The following ZMIZ1 variants were observed in gnomAD, a reference collection of about 807,000 sequenced individuals.
ZMIZ1 encodes the protein zinc finger MIZ-type containing 1, also known as zinc finger MIZ domain-containing protein 1.
Under a neutral mutation model 113.9 loss-of-function variants are expected in ZMIZ1, and 17 were observed. The ratio of observed to expected loss-of-function variants is 0.15; its 90% CI spans 0.10 to 0.22. The LOEUF is 0.22. Among genes scored for constraint, ZMIZ1 ranks in the 10% least tolerant of loss-of-function variants. ZMIZ1 has a pLI of 1.00. For missense variants in ZMIZ1, 1,059 were observed against 1,477.8 expected (o/e 0.72, Z 4.65); for synonymous variants, 607 against 603.1 (o/e 1.01, Z -0.09).
intron 1 of ZMIZ1, among the ~76,000 whole-genome samples, chr10:79,090,702 TG>T (rs1197268896): frequency 2.0e-5 from 3 of 152,258 alleles, no homozygotes; most frequent in African/African-American, 7.2e-5. Context: ...CGGGTCCATC[TG>T]GAGCAGCCTG....
intron 4 of ZMIZ1, among the ~76,000 whole-genome samples, chr10:79,181,415 G>A (rs1171464665): frequency 1.3e-5 from 2 of 152,210 alleles, no homozygotes; most frequent in Admixed American, 6.5e-5. Flanking sequence ...AAGTGGCGGT[G>A]GATTCTGAGG....
At chr10:79,097,668 A>G (rs945003563) in intron 1 of ZMIZ1, among the ~76,000 whole-genome samples, 1 of 152,232 alleles carries the variant, frequency 6.6e-6, no homozygotes, top group African/African-American at 2.4e-5. Context: ...GCAAGCTCTG[A>G]TAGAAATTGG....
chr10:79,279,189 G>A (rs539388692), intron 8 of ZMIZ1, among the ~76,000 whole-genome samples: 21 of 151,356 alleles, frequency 1.4e-4, no homozygotes, highest in African/African-American at 5.1e-4. Context: ...CAGGGGGAGG[G>A]GCTCCTCACT....
At chr10:79,311,290 T>TTGGG in intron 24 of ZMIZ1, 106 bp downstream of exon 24, 1 of 102,696 alleles carries the variant, frequency 9.7e-6, no homozygotes, top group Non-Finnish European at 1.8e-5. Flanking sequence ...AGGGAGGAGG[T>TTGGG]GGGTGGGCGG....
chr10:79,076,948 T>C (rs904804039), intron 1 of ZMIZ1, among the ~76,000 whole-genome samples: 4 of 152,114 alleles, frequency 2.6e-5, no homozygotes, highest in African/African-American at 9.7e-5. Context: ...ACCTCCCCTC[T>C]CCCCTCCAGC....
chr10:79,267,216 C>T (rs889961838), intron 7 of ZMIZ1, among the ~76,000 whole-genome samples: 5 of 152,316 alleles, frequency 3.3e-5, no homozygotes, highest in South Asian at 2.1e-4. Flanking sequence ...TAGGGGAGCA[C>T]CCAGTCCAGT....
At chr10:79,170,013 G>A (rs557552788) in intron 4 of ZMIZ1, among the ~76,000 whole-genome samples, 11 of 152,312 alleles carry the variant, frequency 7.2e-5, no homozygotes, top group Admixed American at 5.2e-4. Context: ...AGGATACTTT[G>A]AGATGGAGAC....
At chr10:79,284,325 G>T (rs547388639) in intron 8 of ZMIZ1, among the ~76,000 whole-genome samples, 2 of 152,352 alleles carry the variant, frequency 1.3e-5, no homozygotes, top group East Asian at 3.9e-4. Flanking sequence ...GCTTAGGAGG[G>T]TCCTTAAAGG....
intron 7 of ZMIZ1, among the ~76,000 whole-genome samples, chr10:79,224,113 C>T (rs1849106234): frequency 6.6e-6 from 1 of 152,176 alleles, no homozygotes; most frequent in Admixed American, 6.5e-5. Flanking sequence ...GTAATATTAA[C>T]TTTCCAGAAG....
At position 79,314,344 on chromosome 10, in the gene ZMIZ1, CGT is replaced by C. The variant is rs1367554336; in HGVS notation, c.*1596_*1597del. 1.1e-5 allele frequency: 5 copies of C among 436,224 alleles called. No homozygotes were observed. The highest frequency in any genetic ancestry group is 1.0e-4 in the African/African-American group (5 of 49,720). The allele number at this position is 436,224 out of a possible 1,614,324, so 27.0% of individuals were successfully genotyped here. A position where few individuals can be genotyped will look rare whatever the true frequency, so the allele number is the denominator to read the frequency against. ...TGCCTGGGGCCCTTTCCTGCTCTCC[CGT>C]CCGCTGTGGGTGGTCCCCAGCTCTC... On this transcript the variant is annotated 3_prime_UTR_variant, in exon 25 of 25. Coordinates refer to ENST00000334512, the MANE Select transcript of ZMIZ1 (RefSeq NM_020338.4).
chr10:79,263,765 G>A (rs1042833772), intron 7 of ZMIZ1, among the ~76,000 whole-genome samples: 1 of 152,040 alleles, frequency 6.6e-6, no homozygotes. Flanking sequence ...AAGGTCTCTC[G>A]GTGCTCAAAC....
chr10:79,230,562 G>A (rs966575081), intron 7 of ZMIZ1, among the ~76,000 whole-genome samples: 9 of 152,220 alleles, frequency 5.9e-5, no homozygotes, highest in East Asian at 3.9e-4. Flanking sequence ...GCCGGGAGTC[G>A]AGGGGCCCGC....
At chr10:79,257,157 C>T (rs186780627) in intron 7 of ZMIZ1, among the ~76,000 whole-genome samples, 1 of 152,254 alleles carries the variant, frequency 6.6e-6, no homozygotes, top group Non-Finnish European at 1.5e-5. Context: ...GTCAACTCCG[C>T]TCATCCCATT....
Position 79,227,729 on chromosome 10 carries a change from T to A in ZMIZ1, c.280+11455T>A, listed in dbSNP as rs376122889. Among the ~76,000 whole-genome samples the A allele has an allele frequency of 4.6e-5, 7 of 152,282 alleles. No individual in the cohort carries two copies. In the East Asian group the frequency reaches 5.8e-4, roughly 13 times the overall value. ...CACAAAACCTAGTGTTGTAAAAATA[T>A]GGAACCCTTATGTGTAGGTAGGGCC... On this transcript the variant is annotated intron_variant, in intron 7 of 24. Transcript: ENST00000334512.
intron 7 of ZMIZ1, among the ~76,000 whole-genome samples, chr10:79,262,298 T>A (rs966449996): frequency 1.3e-5 from 2 of 152,198 alleles, no homozygotes; most frequent in Admixed American, 6.5e-5. Context: ...ACCCACTGAA[T>A]CAGAAACCCC....
intron 7 of ZMIZ1, among the ~76,000 whole-genome samples, chr10:79,242,448 G>A (rs1264124332): frequency 3.3e-5 from 5 of 152,152 alleles, no homozygotes; most frequent in Non-Finnish European, 7.4e-5. Context: ...CCAGGGTCAG[G>A]GAAGTAAGAT....
chr10:79,302,851 G>T (rs1250547), intron 18 of ZMIZ1, among the ~76,000 whole-genome samples: 2 of 133,810 alleles, frequency 1.5e-5, no homozygotes, highest in Non-Finnish European at 1.6e-5. Context: ...ATGCCACCAC[G>T]CCCAGCTAAG....
chr10:79,182,916 C>T (rs1363317154), intron 4 of ZMIZ1, among the ~76,000 whole-genome samples: 1 of 152,182 alleles, frequency 6.6e-6, no homozygotes, highest in Non-Finnish European at 1.5e-5. Flanking sequence ...GTTTCAAGGC[C>T]CTGCCCTTCA....
intron 5 of ZMIZ1, among the ~76,000 whole-genome samples, chr10:79,205,189 GACAGAGT>G (rs1848265108): frequency 6.6e-6 from 1 of 152,244 alleles, no homozygotes; most frequent in South Asian, 2.1e-4. Context: ...TCTGATGGGG[GACAGAGT>G]ACTAGTGTCC....
Sources: gnomAD v4.1 joint callset for allele counts (sites outside exome capture counted in the v4.1 genomes callset) on GRCh38, gnomAD v4.1.1 for gene constraint, MANE v1.5 for transcripts, NCBI Gene and HGNC (gene_info 2026-07-23, HGNC 2026-07-21) for gene names.